The following ESRRB variants were observed in gnomAD, a reference collection of about 807,000 sequenced individuals.
ESRRB encodes the protein steroid hormone receptor ERR2.
ESRRB carries 16 observed loss-of-function variants against 46.0 expected under a neutral mutation model. The ratio of observed to expected loss-of-function variants is 0.35; its 90% CI spans 0.24 to 0.53. The LOEUF is 0.53. Among genes scored for constraint, ESRRB ranks in the 20% least tolerant of loss-of-function variants. The pLI, the probability that ESRRB is intolerant of heterozygous loss-of-function variation, is 0.93. For synonymous variants in ESRRB, 246 were observed against 259.6 expected, an observed-to-expected ratio of 0.95 and a Z score of 0.50; for missense variants, 488 against 607.4, an observed-to-expected ratio of 0.80 and a Z score of 2.07.
intron 1 of ESRRB, among the ~76,000 whole-genome samples, chr14:76,382,842 T>TA (rs368137420): frequency 6.1e-4 from 92 of 151,480 alleles, no homozygotes; most frequent in East Asian, 6.0e-3. Flanking sequence ...GTTTCTTTTT[T>TA]AAAAAAAAAA....
chr14:76,311,240 A>T (rs1883729638), intron 1 of ESRRB, among the ~76,000 whole-genome samples: 1 of 152,146 alleles, frequency 6.6e-6, no homozygotes, highest in South Asian at 2.1e-4. Context: ...AAGTAAGTAC[A>T]TCAGAAGGGC....
chr14:76,327,804 A>G (rs958302863), intron 1 of ESRRB, among the ~76,000 whole-genome samples: 2 of 152,042 alleles, frequency 1.3e-5, no homozygotes, highest in Admixed American at 6.5e-5. Context: ...CCCAGGTTCA[A>G]GCAATTCTCC....
At chr14:76,479,167 A>G (rs1236656125) in intron 3 of ESRRB, among the ~76,000 whole-genome samples, 1 of 152,192 alleles carries the variant, frequency 6.6e-6, no homozygotes, top group Admixed American at 6.5e-5. Flanking sequence ...ACACTTGAGG[A>G]GGAAGACAGC....
intron 1 of ESRRB, among the ~76,000 whole-genome samples, chr14:76,343,711 C>T (rs1421791580): frequency 6.6e-6 from 1 of 152,252 alleles, no homozygotes; most frequent in Non-Finnish European, 1.5e-5. Flanking sequence ...ATGTTCCAAG[C>T]TGCATGGCTT....
intron 1 of ESRRB, chr14:76,407,510 T>A: frequency 1.0e-6 from 1 of 984,330 alleles, no homozygotes; most frequent in Non-Finnish European, 1.2e-6. Flanking sequence ...CTAAGTGCGA[T>A]CTTACTCTAG....
intron 1 of ESRRB, among the ~76,000 whole-genome samples, chr14:76,348,908 A>C (rs938510484): frequency 6.6e-6 from 1 of 152,038 alleles, no homozygotes; most frequent in Non-Finnish European, 1.5e-5. Context: ...CGGAGTAATA[A>C]GGCCTGTAGG....
intron 1 of ESRRB, among the ~76,000 whole-genome samples, chr14:76,399,140 G>T (rs947536121): frequency 2.0e-5 from 3 of 152,108 alleles, no homozygotes; most frequent in African/African-American, 4.8e-5. Flanking sequence ...GGGAGGGAAG[G>T]TTCCTGTGGC....
intron 1 of ESRRB, among the ~76,000 whole-genome samples, chr14:76,346,264 G>A (rs1884248700): frequency 6.6e-6 from 1 of 152,192 alleles, no homozygotes; most frequent in South Asian, 2.1e-4. Flanking sequence ...TAAGGTGAAG[G>A]AAAGCTGCTC....
intron 1 of ESRRB, among the ~76,000 whole-genome samples, chr14:76,350,259 A>G (rs1030779127): frequency 6.6e-6 from 1 of 152,218 alleles, no homozygotes; most frequent in Non-Finnish European, 1.5e-5. Flanking sequence ...TCCGCCCTCA[A>G]GCCAGCCAGG....
In ESRRB at chr14:76,357,541, G is replaced by C. The variant is rs555321444; in HGVS notation, c.2+46625G>C. Among the ~76,000 whole-genome samples, 8 of 152,242 alleles carry C rather than the reference G, an allele frequency of 5.3e-5. No individual in the cohort carries two copies. The South Asian group carries it at 1.7e-3, about 32-fold the overall frequency. On this transcript the variant is annotated intron_variant, in intron 1 of 6. Transcript: ENST00000512784. The stretch of plus-strand genomic sequence containing the variant: ...TGTTTATTTATTTATAGAGATGGGG[G>C]TCTCGCTCCCTGCCTAGACTGGAGA...
intron 1 of ESRRB, among the ~76,000 whole-genome samples, chr14:76,346,276 T>A (rs1884248836): frequency 6.6e-6 from 1 of 152,198 alleles, no homozygotes; most frequent in Non-Finnish European, 1.5e-5. Flanking sequence ...AAGCTGCTCC[T>A]CCAACTTCTG....
chr14:76,372,922 C>T (rs61979385), upstream of ESRRB, among the ~76,000 whole-genome samples: 29,924 of 152,182 alleles, frequency 0.2, 3,675 homozygotes, highest in Non-Finnish European at 0.28. Context: ...AATGCTTTGC[C>T]AGATATTCTC....
At chr14:76,496,424 T>C (rs1344054475) in intron 6 of ESRRB, among the ~76,000 whole-genome samples, 1 of 152,140 alleles carries the variant, frequency 6.6e-6, no homozygotes, top group East Asian at 1.9e-4. Context: ...TGTAAACTTC[T>C]GTAGTGGGGC....
intron 1 of ESRRB, among the ~76,000 whole-genome samples, chr14:76,356,068 G>A (rs974205718): frequency 2.6e-5 from 4 of 152,214 alleles, no homozygotes; most frequent in African/African-American, 9.6e-5. Flanking sequence ...GGTAGAAGTT[G>A]AAGGAATGGC....
intron 1 of ESRRB, among the ~76,000 whole-genome samples, chr14:76,429,815 A>G (rs567614473): frequency 2.0e-5 from 3 of 152,296 alleles, no homozygotes; most frequent in African/African-American, 2.4e-5. Flanking sequence ...GGGAAGGTCA[A>G]TTTGAATTGA....
At chr14:76,366,458 G>C (rs1352934623), upstream of ESRRB, among the ~76,000 whole-genome samples, 1 of 152,072 alleles carries the variant, frequency 6.6e-6, no homozygotes, top group East Asian at 1.9e-4. Context: ...TGTTAAGGAC[G>C]GCAGAAGAAA....
At chr14:76,494,258 G>T (rs1403346299) in intron 6 of ESRRB, among the ~76,000 whole-genome samples, 1 of 151,318 alleles carries the variant, frequency 6.6e-6, no homozygotes, top group African/African-American at 2.4e-5. Flanking sequence ...CTTTGTTAGA[G>T]AATCCTAATG....
intron 3 of ESRRB, among the ~76,000 whole-genome samples, chr14:76,469,353 C>G (rs1183474031): frequency 6.6e-6 from 1 of 152,152 alleles, no homozygotes; most frequent in Non-Finnish European, 1.5e-5. Context: ...CCTCAGCCTC[C>G]CCAAGTGCTG....
At chr14:76,330,825 T>C (rs1259553043) in intron 1 of ESRRB, among the ~76,000 whole-genome samples, 1 of 152,164 alleles carries the variant, frequency 6.6e-6, no homozygotes, top group East Asian at 1.9e-4. Flanking sequence ...GGCAGGGGTA[T>C]GCTGAGGAGT....
Sources: gnomAD v4.1 joint callset for allele counts (sites outside exome capture counted in the v4.1 genomes callset) on GRCh38, gnomAD v4.1.1 for gene constraint, MANE v1.5 for transcripts, NCBI Gene and HGNC (gene_info 2026-07-23, HGNC 2026-07-21) for gene names.